TAFA2: variants seen among roughly 807,000 people sequenced by gnomAD.
TAFA2 encodes the protein chemokine-like protein TAFA-2.
Under a neutral mutation model 18.8 loss-of-function variants are expected in TAFA2, and 7 were observed. That is an observed-to-expected ratio of 0.37 (90% CI 0.21 to 0.70). The LOEUF (loss-of-function observed/expected upper bound fraction) is 0.70. Ranked by LOEUF, TAFA2 falls within the 30% of genes least tolerant of loss-of-function variation. The pLI is 0.53. For synonymous variants in TAFA2, 60 were observed against 54.2 expected, an observed-to-expected ratio of 1.11 and a Z score of -0.47; for missense variants, 122 against 158.1, an observed-to-expected ratio of 0.77 and a Z score of 1.23.
At chr12:61,937,205 A>G (rs749058310) in intron 1 of TAFA2, among the ~76,000 whole-genome samples, 68 of 152,248 alleles carry the variant, frequency 4.5e-4, no homozygotes, top group Non-Finnish European at 9.1e-4. Context: ...GGAAGAATAA[A>G]TATCATGAAA....
chr12:61,840,020 C>T (rs923051219), intron 2 of TAFA2, among the ~76,000 whole-genome samples: 10 of 152,122 alleles, frequency 6.6e-5, no homozygotes, highest in East Asian at 3.9e-4. Flanking sequence ...CGAGAGTGTA[C>T]GGAATGTCCA....
intron 2 of TAFA2, among the ~76,000 whole-genome samples, chr12:61,759,432 A>G (rs545829681): frequency 4.6e-5 from 7 of 151,530 alleles, no homozygotes; most frequent in African/African-American, 1.5e-4. Context: ...GTAATTCAGC[A>G]TGTTTCTCCC....
At chr12:62,173,028 A>T (rs1351139070) in intron 1 of TAFA2, among the ~76,000 whole-genome samples, 1 of 152,146 alleles carries the variant, frequency 6.6e-6, no homozygotes, top group Non-Finnish European at 1.5e-5. Flanking sequence ...CTAATATATT[A>T]AGGTTCCTAA....
intron 2 of TAFA2, among the ~76,000 whole-genome samples, chr12:61,757,300 T>C (rs1392350535): frequency 6.6e-6 from 1 of 151,978 alleles, no homozygotes; most frequent in Non-Finnish European, 1.5e-5. Context: ...ATGTGCGTCA[T>C]GAGGGAAAGA....
chr12:61,958,613 C>T (rs952780539), intron 1 of TAFA2, among the ~76,000 whole-genome samples: 1 of 151,654 alleles, frequency 6.6e-6, no homozygotes, highest in African/African-American at 2.4e-5. Flanking sequence ...TTTGTACTTC[C>T]TCTTCTGTGA....
rs144936953 is a variant in TAFA2 at position 62,228,271 on chromosome 12, C to T, written c.-130+30492G>A. On this transcript the variant is annotated intron_variant, in intron 1 of 5. Coordinates refer to the TAFA2 transcript ENST00000551619. The stretch of plus-strand genomic sequence containing the variant: ...GAATGTTTAGCTCCCACTTATAAGT[C>T]AGAACATGCAGTATTTGGCTTTGGC... Among the ~76,000 whole-genome samples the T allele has an allele frequency of 1.2e-3, 182 of 152,126 alleles. 3 individuals are homozygous for T. The East Asian group carries it at 0.028, about 23-fold the overall frequency.
chr12:61,835,059 T>C (rs1184336711), intron 2 of TAFA2, among the ~76,000 whole-genome samples: 1 of 151,760 alleles, frequency 6.6e-6, no homozygotes, highest in Non-Finnish European at 1.5e-5. Context: ...CTCTTCTAAC[T>C]AAATGCTAAT....
intron 4 of TAFA2, among the ~76,000 whole-genome samples, chr12:61,735,999 GAGGGCTGTTCTACT>G (rs1868297050): frequency 6.6e-6 from 1 of 151,966 alleles, no homozygotes; most frequent in East Asian, 1.9e-4. Context: ...TGAGCCCTGT[GAGGGCTGTTCTACT>G]TTTAATTCCC....
intron 1 of TAFA2, among the ~76,000 whole-genome samples, chr12:61,891,511 G>A (rs993086146): frequency 2.0e-5 from 3 of 152,158 alleles, no homozygotes; most frequent in Admixed American, 6.5e-5. Context: ...AGCTGGGTGT[G>A]GTGGCGCATG....
At chr12:61,904,874 GT>G (rs1244503877) in intron 1 of TAFA2, among the ~76,000 whole-genome samples, 1 of 152,096 alleles carries the variant, frequency 6.6e-6, no homozygotes, top group Non-Finnish European at 1.5e-5. Context: ...GTTAATAAAT[GT>G]TTCATTGTCC....
At chr12:62,251,691 T>C (rs2062914606) in intron 1 of TAFA2, among the ~76,000 whole-genome samples, 1 of 152,184 alleles carries the variant, frequency 6.6e-6, no homozygotes, top group Non-Finnish European at 1.5e-5. Context: ...CCACTGAAGC[T>C]AGATTGCTCC....
intron 1 of TAFA2, among the ~76,000 whole-genome samples, chr12:62,224,082 TACACAC>T (rs144010764): frequency 0.041 from 5,898 of 142,476 alleles, 340 homozygotes; most frequent in African/African-American, 0.14. Context: ...TATATGTGCA[TACACAC>T]ACACACACAC....
chr12:61,778,425 T>G (rs1251317620), intron 2 of TAFA2, among the ~76,000 whole-genome samples: 1 of 151,814 alleles, frequency 6.6e-6, no homozygotes, highest in Non-Finnish European at 1.5e-5. Flanking sequence ...CATCTACTAC[T>G]GACAAACGCT....
At chr12:61,916,004 T>C (rs1876807593) in intron 1 of TAFA2, among the ~76,000 whole-genome samples, 4 of 152,140 alleles carry the variant, frequency 2.6e-5, no homozygotes, top group Admixed American at 2.6e-4. Context: ...TTTCCATCCA[T>C]AAAAGGTATT....
At chr12:61,920,218 A>G (rs1876992977) in intron 1 of TAFA2, among the ~76,000 whole-genome samples, 1 of 152,234 alleles carries the variant, frequency 6.6e-6, no homozygotes, top group Non-Finnish European at 1.5e-5. Flanking sequence ...TAAGTATACT[A>G]TTGTAAGAGA....
At chr12:62,112,050 T>C (rs1287100095) in intron 1 of TAFA2, among the ~76,000 whole-genome samples, 1 of 152,212 alleles carries the variant, frequency 6.6e-6, no homozygotes, top group East Asian at 1.9e-4. Flanking sequence ...CTGGTTATTT[T>C]GCCCATTAGT....
At chr12:62,226,793 C>G (rs778784032) in intron 1 of TAFA2, among the ~76,000 whole-genome samples, 1 of 152,218 alleles carries the variant, frequency 6.6e-6, no homozygotes, top group Non-Finnish European at 1.5e-5. Flanking sequence ...ACTTTTCACT[C>G]ACAATCAAAT....
Position 61,955,632 on chromosome 12 carries a change from AATATATATATATATATATATAT to A in TAFA2, c.-1-88228_-1-88207del, listed in dbSNP as rs775755094. ...AAAAAAAAAAAAAAAAAAAAAAAAA[AATATATATATATATATATATAT>A]ATATATATATATATATTTAATTTTA... On this transcript the variant is annotated intron_variant, in intron 1 of 4. Transcript: ENST00000416284. Among the ~76,000 whole-genome samples the A allele has an allele frequency of 4.1e-3, 170 of 41,200 alleles. 3 individuals carry two copies. Among genetic ancestry groups the A allele is most frequent in the Middle Eastern group, 0.038 (1 of 26 alleles). The allele number at this position is 41,200 out of a possible 152,430, so 27.0% of individuals were successfully genotyped here. A position where few individuals can be genotyped will look rare whatever the true frequency, so the allele number is the denominator to read the frequency against.
intron 1 of TAFA2, among the ~76,000 whole-genome samples, chr12:62,163,352 TTTTG>T (rs2062418537): frequency 6.8e-6 from 1 of 146,320 alleles, no homozygotes; most frequent in Admixed American, 6.7e-5. Flanking sequence ...GGAGCTGGGT[TTTTG>T]TTTTTGTTTT....
Sources: allele counts gnomAD v4.1 joint callset (sites outside exome capture counted in the v4.1 genomes callset), GRCh38; gene constraint gnomAD v4.1.1; transcripts MANE v1.5; gene names NCBI Gene and HGNC (gene_info 2026-07-23, HGNC 2026-07-21).